RPRD2: variants seen among roughly 807,000 people sequenced by gnomAD.
RPRD2 encodes regulation of nuclear pre-mRNA domain containing 2, also known as regulation of nuclear pre-mRNA domain-containing protein 2.
In RPRD2, 12 loss-of-function variants were observed where a neutral mutation model predicts 104.4. That is an observed-to-expected ratio of 0.11 (90% CI 0.07 to 0.19). RPRD2 has a LOEUF of 0.19. Ranked by LOEUF, RPRD2 falls within the 10% of genes least tolerant of loss-of-function variation. The probability of loss-of-function intolerance (pLI) is 1.00; values close to 1 mark genes in which losing one functional copy is unlikely to be tolerated. For synonymous variants in RPRD2, 714 were observed against 684.9 expected, an observed-to-expected ratio of 1.04 and a Z score of -0.66; for missense variants, 1,543 against 1,790.1, an observed-to-expected ratio of 0.86 and a Z score of 2.49.
At chr1:150,431,876 A>T (rs782328186) in intron 2 of RPRD2, among the ~76,000 whole-genome samples, 7 of 152,222 alleles carry the variant, frequency 4.6e-5, no homozygotes, top group African/African-American at 1.7e-4. Flanking sequence ...GACAAGTATT[A>T]TATGATGCCA....
rs1234966501 is a variant in RPRD2, at chr1:150,364,433, C to G, written c.-282C>G. On this transcript the variant is annotated 5_prime_UTR_variant, in exon 1 of 11. Coordinates refer to ENST00000369068, the MANE Select transcript of RPRD2 (RefSeq NM_015203.5). ...AGGTCCTGTTTTCTGCGTAATTTTT[C>G]CGTGATTACTGACTGGTTTAAACAC... 6.6e-6 allele frequency among the ~76,000 whole-genome samples: 1 copy of G among 152,066 alleles called. No individual in the cohort carries two copies. Among genetic ancestry groups the G allele is most frequent in the Non-Finnish European group, 1.5e-5 (1 of 68,010 alleles).
chr1:150,427,166 T>A (rs1041326791), intron 2 of RPRD2, among the ~76,000 whole-genome samples: 5 of 146,990 alleles, frequency 3.4e-5, no homozygotes, highest in African/African-American at 1.2e-4. Flanking sequence ...AAATAAAAAG[T>A]TTTAAAAAAG....
intron 3 of RPRD2, 110 bp from the exon 4 acceptor site, chr1:150,441,771 C>A: frequency 1.7e-6 from 1 of 594,464 alleles, no homozygotes; most frequent in Non-Finnish European, 2.9e-6. Context: ...AAGAAAGAAA[C>A]AACACACAGT....
intron 1 of RPRD2, among the ~76,000 whole-genome samples, chr1:150,397,477 C>G (rs1401879357): frequency 6.6e-6 from 1 of 152,090 alleles, no homozygotes; most frequent in Non-Finnish European, 1.5e-5. Flanking sequence ...AAATTCTTCC[C>G]CATTTTTATT....
intron 1 of RPRD2, among the ~76,000 whole-genome samples, chr1:150,379,986 G>C (rs587702213): frequency 6.6e-6 from 1 of 152,312 alleles, no homozygotes; most frequent in East Asian, 1.9e-4. Flanking sequence ...GATATCCATT[G>C]TCTCTCATCT....
At chr1:150,419,894 C>T (rs1236772416) in intron 2 of RPRD2, among the ~76,000 whole-genome samples, 1 of 152,196 alleles carries the variant, frequency 6.6e-6, no homozygotes, top group Non-Finnish European at 1.5e-5. Context: ...TCCCAAAGTG[C>T]TGGGATTACA....
intron 2 of RPRD2, among the ~76,000 whole-genome samples, chr1:150,425,476 T>A (rs1665060603): frequency 6.6e-6 from 1 of 151,870 alleles, no homozygotes; most frequent in African/African-American, 2.4e-5. Context: ...AAACCCTGTC[T>A]CTACTAAAAA....
intron 1 of RPRD2, among the ~76,000 whole-genome samples, chr1:150,373,533 C>CTGTTT (rs1660476520): frequency 1.0e-5 from 1 of 97,420 alleles, no homozygotes; most frequent in East Asian, 2.8e-4. Flanking sequence ...TCAAGAATGA[C>CTGTTT]TTTTTTTTTT....
intron 8 of RPRD2, 103 bp from the exon 9 acceptor site, chr1:150,459,957 G>A (rs1667811158): frequency 1.0e-6 from 1 of 967,298 alleles, no homozygotes; most frequent in Admixed American, 2.7e-5. Context: ...CTAAAGTAGT[G>A]CCTTTTCCCC....
chr1:150,373,662 G>C (rs1660492631), intron 1 of RPRD2, among the ~76,000 whole-genome samples: 1 of 143,968 alleles, frequency 6.9e-6, no homozygotes, highest in Non-Finnish European at 1.5e-5. Flanking sequence ...GGATGTGTTA[G>C]GTTTGGGATG....
At chr1:150,469,527 T>C (rs1201207333) in intron 10 of RPRD2, among the ~76,000 whole-genome samples, 3 of 152,180 alleles carry the variant, frequency 2.0e-5, no homozygotes, top group African/African-American at 7.2e-5. Context: ...TCCTCCTGCC[T>C]CTGCTGCCCA....
rs973351050 is a variant in RPRD2 at position 150,430,643 on chromosome 1, T to C, written c.336-10280T>C. ...TTTTGAGTTCTTTAGAAGATAACAC[T>C]GTCTGGCTGGGCGTGGTGGCTCACG... On this transcript the variant is annotated intron_variant, in intron 2 of 10. Transcript: ENST00000369068. Among the ~76,000 whole-genome samples, 4 of 152,194 alleles carry C rather than the reference T, an allele frequency of 2.6e-5. No individual in the cohort carries two copies. The East Asian group carries it at 5.8e-4, about 22-fold the overall frequency.
chr1:150,448,239 C>T (rs1666927751), intron 7 of RPRD2, among the ~76,000 whole-genome samples: 1 of 152,028 alleles, frequency 6.6e-6, no homozygotes. Context: ...GCACTCTTGG[C>T]CTCACTGCAA....
Position 150,471,825 on chromosome 1 carries a change from G to T in RPRD2, c.2877G>T (p.Gln959His). ...QSTTGHLSLP[Q>H]KQYPDSPHPV... The stretch of plus-strand genomic sequence containing the variant: ...CCACTGGGCATCTCAGTTTGCCACA[G>T]AAGCAGTACCCAGACTCTCCTCACC... The change falls in exon 11 of 11, where the codon CAG becomes CAT. Residue 959 changes from glutamine to histidine, a missense_variant. This residue lies in a region of RPRD2 where 880 missense variants were observed against 885.6 expected (regional missense o/e 0.99). Transcript: ENST00000369068. This position sits in a 1 kb window ranked among gnomAD's most constrained non-coding sequence, Gnocchi z 5.3. 6.2e-7 allele frequency: 1 copy of T among 1,613,914 alleles called. No individual in the cohort carries two copies. Among genetic ancestry groups the T allele is most frequent in the Non-Finnish European group, 8.5e-7 (1 of 1,179,896 alleles).
rs190224501 is a variant in RPRD2 at position 150,460,142 on chromosome 1, G to A, written c.1236G>A (p.Lys412=). ...VPTKPTENIS[K]ASSCTPVPVT... is the part of the protein sequence containing the mutation. Reference sequence around the variant, plus strand: ...CAAAGCCAACAGAAAATATCTCAAAGGCCTCTTCATGTACCCCAGTGCCTG... The same window carrying A: ...CAAAGCCAACAGAAAATATCTCAAAAGCCTCTTCATGTACCCCAGTGCCTG... Residue 412 remains lysine, a synonymous_variant, in exon 9 of 11, where the codon AAG becomes AAA. Coordinates refer to ENST00000369068, the MANE Select transcript of RPRD2 (RefSeq NM_015203.5). The A allele has an allele frequency of 8.4e-5, 135 of 1,613,876 alleles. No individual in the cohort carries two copies. The East Asian group carries it at 2.9e-3, about 35-fold the overall frequency.
rs757825715 is a variant in RPRD2 at position 150,473,218 on chromosome 1, A to G, written c.4270A>G (p.Arg1424Gly). Residue 1424 changes from arginine (R) to glycine (G), a missense_variant, in exon 11 of 11, where the codon AGG becomes GGG. Around this residue, in one of 4 missense-constraint regions of RPRD2, gnomAD observed 880 missense variants for 885.6 expected, o/e 0.99. Coordinates refer to ENST00000369068, the MANE Select transcript of RPRD2 (RefSeq NM_015203.5). The stretch of plus-strand genomic sequence containing the variant: ...GAGTCCCCGGCCAGACTTTCGGCCT[A>G]GGGAACCTTTTCTCAGCAGAGACCC... ...LRSPRPDFRP[R>G]EPFLSRDPFH... 6.2e-7 allele frequency: 1 copy of G among 1,614,004 alleles called. No homozygotes were observed. The highest frequency in any genetic ancestry group is 1.1e-5 in the South Asian group (1 of 91,088).
intron 1 of RPRD2, among the ~76,000 whole-genome samples, chr1:150,371,486 C>T (rs1553878327): frequency 6.6e-6 from 1 of 151,990 alleles, no homozygotes; most frequent in East Asian, 1.9e-4. Flanking sequence ...GCCTCAGCCT[C>T]CTGAGTAGCT....
intron 10 of RPRD2, among the ~76,000 whole-genome samples, chr1:150,465,362 C>T (rs1489758787): frequency 6.6e-6 from 1 of 151,906 alleles, no homozygotes; most frequent in Non-Finnish European, 1.5e-5. Flanking sequence ...AGGCAGTCCA[C>T]CCACCTCAGC....
At chr1:150,382,873 A>G (rs782281565) in intron 1 of RPRD2, among the ~76,000 whole-genome samples, 1 of 152,124 alleles carries the variant, frequency 6.6e-6, no homozygotes, top group Admixed American at 6.6e-5. Context: ...TGAATAAGAG[A>G]TAAGGTTTCA....
Sources: allele counts gnomAD v4.1 joint callset (sites outside exome capture counted in the v4.1 genomes callset), GRCh38; gene constraint gnomAD v4.1.1; regional missense constraint gnomAD v4.1.1; non-coding constraint Gnocchi (gnomAD v3.1); transcripts MANE v1.5; gene names NCBI Gene and HGNC (gene_info 2026-07-23, HGNC 2026-07-21).